The following ACOT1 variants were observed in gnomAD, a reference collection of about 807,000 sequenced individuals.
ACOT1 encodes acyl-coenzyme A thioesterase 1.
Under a neutral mutation model 15.7 loss-of-function variants are expected in ACOT1, and 8 were observed. That is an observed-to-expected ratio of 0.51 (90% confidence interval 0.30 to 0.92). ACOT1 has a LOEUF of 0.92. Among genes scored for constraint, ACOT1 ranks in the 40% least tolerant of loss-of-function variants. ACOT1 has a pLI of 0.06. For synonymous variants in ACOT1, 67 were observed against 241.2 expected (o/e 0.28, Z 6.69); for missense variants, 151 against 539.4 (o/e 0.28, Z 7.13).
chr14:73,491,285 G>C, the ACOT1 span: 1 of 1,555,462 alleles, frequency 6.4e-7, no homozygotes, highest in Non-Finnish European at 8.7e-7. Context: ...GGCCGTCCCG[G>C]ACGCAGCCCG....
At chr14:73,514,166 GC>G in the ACOT1 span, 2 of 1,614,086 alleles carry the variant, frequency 1.2e-6, no homozygotes, top group Non-Finnish European at 1.7e-6. Context: ...TCACCCACCT[GC>G]AGCAGCATAT....
At chr14:73,501,569 C>CTTTTTTT in the ACOT1 span, among the ~76,000 whole-genome samples, 1 of 108,162 alleles carries the variant, frequency 9.2e-6, no homozygotes, top group Non-Finnish European at 1.9e-5. Context: ...GTCTCTCTCT[C>CTTTTTTT]TTTTTTTTTT....
chr14:73,495,046 C>T, the ACOT1 span, among the ~76,000 whole-genome samples: 5 of 123,122 alleles, frequency 4.1e-5, no homozygotes, highest in Admixed American at 8.9e-5. Flanking sequence ...AATAAAAACC[C>T]GAGAAACAAA....
the ACOT1 span, chr14:73,502,769 G>A: frequency 2.8e-5 from 20 of 716,638 alleles, no homozygotes; most frequent in Non-Finnish European, 3.5e-5. Context: ...GGATGGTCTC[G>A]ATCTCCTGAC....
chr14:73,503,978 C>T, the ACOT1 span, among the ~76,000 whole-genome samples: 314 of 152,080 alleles, frequency 2.1e-3, 1 homozygote, highest in African/African-American at 5.0e-3. Context: ...TGACAAGTGC[C>T]AAGGAGGTGA....
chr14:73,514,745 A>T, the ACOT1 span, among the ~76,000 whole-genome samples: 1 of 152,196 alleles, frequency 6.6e-6, no homozygotes, highest in African/African-American at 2.4e-5. Context: ...TTGAGAACAG[A>T]AGAAGCCGTA....
chr14:73,514,294 T>G, the ACOT1 span: 4 of 1,489,780 alleles, frequency 2.7e-6, no homozygotes, highest in Non-Finnish European at 3.7e-6. Flanking sequence ...TGCCACACAG[T>G]GGCCCCAGCT....
At chr14:73,520,730 G>T in the ACOT1 span, 2 of 897,610 alleles carry the variant, frequency 2.2e-6, no homozygotes, top group Non-Finnish European at 3.5e-6. Flanking sequence ...TCATGAACAT[G>T]AAAACCTGGG....
chr14:73,536,098 A>G (rs1888855419), upstream of ACOT1, among the ~76,000 whole-genome samples: 1 of 115,806 alleles, frequency 8.6e-6, no homozygotes, highest in Non-Finnish European at 1.9e-5. Context: ...AGGGAGTTGT[A>G]TGATAATGAC....
chr14:73,495,445 A>G, the ACOT1 span: 2 of 1,398,276 alleles, frequency 1.4e-6, no homozygotes, highest in Non-Finnish European at 2.0e-6. Context: ...CTAGGCAGCA[A>G]ATTATCAAAA....
chr14:73,496,780 TC>T, the ACOT1 span: 2 of 704,508 alleles, frequency 2.8e-6, no homozygotes, highest in Admixed American at 4.7e-5. Flanking sequence ...AATCCCAAGT[TC>T]CAATCCTAAC....
chr14:73,506,802 C>CTTTTTTTTTTTTTTTTTTTTTT, the ACOT1 span, among the ~76,000 whole-genome samples: 4 of 58,026 alleles, frequency 6.9e-5, no homozygotes, highest in African/African-American at 3.1e-4. Flanking sequence ...CTGACTTTAA[C>CTTTTTTTTTTTTTTTTTTTTTT]TGTTTTTTTT....
the ACOT1 span, chr14:73,491,035 C>T: frequency 6.4e-7 from 1 of 1,560,958 alleles, no homozygotes; most frequent in Non-Finnish European, 8.7e-7. Context: ...GGCTCCAGGC[C>T]AGTGCAGGGC....
the ACOT1 span, chr14:73,500,559 G>A: frequency 4.5e-5 from 72 of 1,612,644 alleles, no homozygotes; most frequent in East Asian, 3.3e-4. Context: ...CCATCTTGTC[G>A]CGGATCTGCA....
At chr14:73,500,608 G>A in the ACOT1 span, 10 of 1,614,142 alleles carry the variant, frequency 6.2e-6, no homozygotes, top group Admixed American at 3.3e-5. Context: ...CCGAACTGCT[G>A]TGAAGTCATC....
chr14:73,500,064 C>T, the ACOT1 span, among the ~76,000 whole-genome samples: 1 of 152,116 alleles, frequency 6.6e-6, no homozygotes, highest in South Asian at 2.1e-4. Flanking sequence ...CCCATCTTTA[C>T]TAAAAACACA....
chr14:73,500,651 T>C, the ACOT1 span: 1 of 1,614,216 alleles, frequency 6.2e-7, no homozygotes. Context: ...GGGAGAAGCT[T>C]GGCGGTCATA....
chr14:73,522,692 G>C, the ACOT1 span: 15 of 1,614,122 alleles, frequency 9.3e-6, no homozygotes, highest in Non-Finnish European at 1.3e-5. Context: ...GACGGTGCTG[G>C]CTGGCTTTGA....
At chr14:73,541,194 G>A (rs1251798936) in intron 1 of ACOT1, among the ~76,000 whole-genome samples, 1 of 112,610 alleles carries the variant, frequency 8.9e-6, no homozygotes, top group African/African-American at 3.0e-5. Flanking sequence ...AGAGGAATTT[G>A]TGCTCTTCTA....
Sources: allele counts gnomAD v4.1 joint callset (sites outside exome capture counted in the v4.1 genomes callset), GRCh38; gene constraint gnomAD v4.1.1; transcripts MANE v1.5; gene names NCBI Gene and HGNC (gene_info 2026-07-23, HGNC 2026-07-21).